PAN3: variants seen among roughly 807,000 people sequenced by gnomAD.
PAN3 encodes poly(A) specific ribonuclease subunit PAN3.
In PAN3, 19 loss-of-function variants were observed where a neutral mutation model predicts 96.2. The ratio of observed to expected loss-of-function variants is 0.20; its 90% CI spans 0.14 to 0.29. The LOEUF is 0.29. PAN3 is among the 10% of genes least tolerant of loss of function. The pLI is 1.00. For missense variants in PAN3, 882 were observed against 1,108.1 expected, an observed-to-expected ratio of 0.80 and a Z score of 2.90; for synonymous variants, 433 against 406.6, an observed-to-expected ratio of 1.06 and a Z score of -0.78.
chr13:28,148,529 A>C (rs769744853), intron 1 of PAN3, among the ~76,000 whole-genome samples: 10 of 152,238 alleles, frequency 6.6e-5, no homozygotes, highest in Non-Finnish European at 1.5e-4. Context: ...AATGTAATAC[A>C]TGCACAGGTT....
At chr13:28,186,262 G>A (rs908713172) in intron 4 of PAN3, among the ~76,000 whole-genome samples, 2 of 152,152 alleles carry the variant, frequency 1.3e-5, no homozygotes, top group South Asian at 2.1e-4. Flanking sequence ...ATGTGTTAAG[G>A]AGTATTACAG....
intron 4 of PAN3, among the ~76,000 whole-genome samples, chr13:28,181,017 T>C (rs1875699947): frequency 6.6e-6 from 1 of 152,150 alleles, no homozygotes; most frequent in Admixed American, 6.5e-5. Context: ...GAAAAGATGT[T>C]TTGAATTGGG....
In PAN3 at chr13:28,292,517, T is replaced by C. The variant is rs1869880357; in HGVS notation, c.2659T>C (p.Leu887=). The change falls in exon 19 of 19, where the codon TTG becomes CTG. Residue 887 remains leucine (L), a synonymous_variant. Coordinates refer to ENST00000380958, the MANE Select transcript of PAN3 (RefSeq NM_175854.8). ...ACTGATTGCAGCTGCAAATGGTCAG[T>C]TGTAGTATTTGCTAAAAAAGCACGC... The part of the protein sequence containing the change: ...QELIAAANGQ[L] 1 of 1,606,084 alleles carries C rather than the reference T, an allele frequency of 6.2e-7. No homozygotes were observed. Among genetic ancestry groups the C allele is most frequent in the Non-Finnish European group, 8.5e-7 (1 of 1,177,286 alleles).
chr13:28,193,437 G>A (rs1204616614), intron 4 of PAN3, among the ~76,000 whole-genome samples: 1 of 152,026 alleles, frequency 6.6e-6, no homozygotes, highest in Non-Finnish European at 1.5e-5. Flanking sequence ...ATGATACGTT[G>A]GATGTATTTA....
chr13:28,158,236 T>C (rs1015407134), intron 1 of PAN3, among the ~76,000 whole-genome samples: 2 of 152,068 alleles, frequency 1.3e-5, no homozygotes, highest in African/African-American at 4.8e-5. Flanking sequence ...AACCTAAAAC[T>C]ATAAAAACCC....
chr13:28,289,028 A>G (rs892966054), intron 18 of PAN3, among the ~76,000 whole-genome samples: 13 of 151,626 alleles, frequency 8.6e-5, no homozygotes, highest in South Asian at 2.1e-4. Flanking sequence ...GGATTTCACC[A>G]TGTTAGCCAG....
chr13:28,174,136 T>TA (rs1874651983), intron 1 of PAN3, 136 bp from the exon 2 acceptor site: 1 of 882,032 alleles, frequency 1.1e-6, no homozygotes. Context: ...TATTTGATCT[T>TA]ACCTGTTATG....
chr13:28,250,526 C>G (rs1195360198), intron 6 of PAN3, among the ~76,000 whole-genome samples: 1 of 152,122 alleles, frequency 6.6e-6, no homozygotes, highest in African/African-American at 2.4e-5. Flanking sequence ...GCCACCATGC[C>G]TGACTAATTT....
intron 4 of PAN3, among the ~76,000 whole-genome samples, chr13:28,195,566 C>T (rs771573763): frequency 6.6e-6 from 1 of 152,030 alleles, no homozygotes; most frequent in Non-Finnish European, 1.5e-5. Context: ...GATGGAGTCT[C>T]ACTCTGTGGC....
intron 15 of PAN3, among the ~76,000 whole-genome samples, chr13:28,278,227 C>T (rs1887211450): frequency 6.6e-6 from 1 of 152,240 alleles, no homozygotes; most frequent in Non-Finnish European, 1.5e-5. Flanking sequence ...GGATTGCCCA[C>T]CTGTTCTTTG....
chr13:28,158,314 A>G (rs1214674840), intron 1 of PAN3, among the ~76,000 whole-genome samples: 1 of 152,242 alleles, frequency 6.6e-6, no homozygotes, highest in Non-Finnish European at 1.5e-5. Flanking sequence ...AGATGCCAAA[A>G]GCAATGGCGA....
chr13:28,233,363 C>A (rs1461931509), intron 6 of PAN3, among the ~76,000 whole-genome samples: 2 of 150,982 alleles, frequency 1.3e-5, no homozygotes, highest in Non-Finnish European at 2.9e-5. Context: ...GCCTCCTGGG[C>A]TCAAGCGATT....
At chr13:28,276,168 A>C (rs1461920859) in intron 14 of PAN3, among the ~76,000 whole-genome samples, 1 of 152,134 alleles carries the variant, frequency 6.6e-6, no homozygotes, top group Non-Finnish European at 1.5e-5. Context: ...ATTATACCAA[A>C]ATTGGGACGA....
rs78987966 is a variant in PAN3, at chr13:28,191,477, G to A, written c.691-5708G>A. On this transcript the variant is annotated intron_variant, in intron 4 of 18. Transcript: ENST00000380958. ...TACAACTGGGTACTTGGTGCTTAGTGGTATTTAGTGGGAGGATAGAGATGC... is the reference window on the plus strand; with the variant it reads ...TACAACTGGGTACTTGGTGCTTAGTAGTATTTAGTGGGAGGATAGAGATGC... Among the ~76,000 whole-genome samples, 1,258 of 152,262 alleles carry A rather than the reference G, an allele frequency of 8.3e-3. 25 individuals carry two copies. The highest frequency in any genetic ancestry group is 0.029 in the African/African-American group (1,191 of 41,556).
intron 6 of PAN3, among the ~76,000 whole-genome samples, chr13:28,253,516 A>G (rs1452336010): frequency 1.3e-5 from 2 of 151,810 alleles, no homozygotes; most frequent in Non-Finnish European, 2.9e-5. Flanking sequence ...ATGCAATTTA[A>G]GTATCCTATT....
chr13:28,183,031 A>G (rs1169055322), intron 4 of PAN3, among the ~76,000 whole-genome samples: 2 of 152,310 alleles, frequency 1.3e-5, no homozygotes, highest in Non-Finnish European at 1.5e-5. Context: ...GAGTTCTTCT[A>G]TGGAAAAAGA....
intron 6 of PAN3, among the ~76,000 whole-genome samples, chr13:28,235,068 A>T (rs1882952752): frequency 6.6e-6 from 1 of 152,154 alleles, no homozygotes; most frequent in Non-Finnish European, 1.5e-5. Context: ...ATATACCTAT[A>T]ATCTCACCTG....
intron 1 of PAN3, among the ~76,000 whole-genome samples, chr13:28,151,915 A>T (rs976022254): frequency 6.6e-5 from 10 of 152,150 alleles, no homozygotes; most frequent in Non-Finnish European, 1.3e-4. Flanking sequence ...CTTGAGAGAG[A>T]TTAGGACTGG....
In PAN3 at chr13:28,220,377, A is replaced by G; in HGVS notation, c.999A>G (p.Pro333=). 1 of 1,613,190 alleles carries G rather than the reference A, an allele frequency of 6.2e-7. No individual in the cohort carries two copies. Among genetic ancestry groups the G allele is most frequent in the South Asian group, 1.1e-5 (1 of 90,952 alleles). Residue 333 remains proline, a splice_region_variant and synonymous_variant, in exon 6 of 19, where the codon CCA becomes CCG. Coordinates refer to ENST00000380958, the MANE Select transcript of PAN3 (RefSeq NM_175854.8). ...GCCCTGCTACTGCTGGATTAGCGCCAGGTAAGTTGAGTAACTATTTCCAGT... is the reference window on the plus strand; with the variant it reads ...GCCCTGCTACTGCTGGATTAGCGCCGGGTAAGTTGAGTAACTATTTCCAGT... The part of the protein sequence containing the change: ...MGSPATAGLA[P]GMSLSAGSSP...
Sources: gnomAD v4.1 joint callset for allele counts (sites outside exome capture counted in the v4.1 genomes callset) on GRCh38, gnomAD v4.1.1 for gene constraint, MANE v1.5 for transcripts, NCBI Gene and HGNC (gene_info 2026-07-23, HGNC 2026-07-21) for gene names.